The following RUNX1 variants were observed in gnomAD, a reference collection of about 807,000 sequenced individuals.
RUNX1 encodes runt-related transcription factor 1.
Under a neutral mutation model 42.8 loss-of-function variants are expected in RUNX1, and 19 were observed. That is an observed-to-expected ratio of 0.44 (90% confidence interval 0.31 to 0.65). The LOEUF (loss-of-function observed/expected upper bound fraction) is 0.65, where lower values mean the gene tolerates loss of function less well. RUNX1 is among the 30% of genes least tolerant of loss of function. RUNX1 has a pLI of 0.07. For synonymous variants in RUNX1, 271 were observed against 289.4 expected, an observed-to-expected ratio of 0.94 and a Z score of 0.64; for missense variants, 528 against 672.0, an observed-to-expected ratio of 0.79 and a Z score of 2.37.
chr21:34,975,956 G>A lies in RUNX1; in HGVS notation c.58+72886C>T, dbSNP rs16992590. Among the ~76,000 whole-genome samples the A allele has an allele frequency of 2.2e-3, 334 of 152,150 alleles. 2 individuals are homozygous for A. Among genetic ancestry groups the A allele is most frequent in the African/African-American group, 7.4e-3 (309 of 41,522 alleles). ...AAATTATGGAAGGTCTTGGTTTCAC[G>A]GCCAGTTGAGTTGTGTTTTATCTGC... On this transcript the variant is annotated intron_variant, in intron 2 of 8. Coordinates refer to ENST00000675419, the MANE Select transcript of RUNX1 (RefSeq NM_001754.5).
At chr21:34,875,959 T>C (rs1378029039) in intron 5 of RUNX1, among the ~76,000 whole-genome samples, 1 of 152,234 alleles carries the variant, frequency 6.6e-6, no homozygotes, top group East Asian at 1.9e-4. Context: ...ATAAATATTA[T>C]GTCTGGGAAG....
intron 2 of RUNX1, among the ~76,000 whole-genome samples, chr21:35,029,041 A>T (rs372454088): frequency 6.6e-6 from 1 of 152,276 alleles, no homozygotes; most frequent in African/African-American, 2.4e-5. Context: ...CACCAAACCT[A>T]TGAGCCAAAC....
At chr21:35,037,840 T>G (rs2059320417) in intron 2 of RUNX1, among the ~76,000 whole-genome samples, 1 of 152,140 alleles carries the variant, frequency 6.6e-6, no homozygotes, top group African/African-American at 2.4e-5. Flanking sequence ...TTACTATCGG[T>G]TTTAAAGTTC....
At chr21:35,005,063 T>G (rs763406297) in intron 2 of RUNX1, among the ~76,000 whole-genome samples, 5 of 152,172 alleles carry the variant, frequency 3.3e-5, no homozygotes, top group Non-Finnish European at 7.3e-5. Flanking sequence ...CTGTCACCAC[T>G]GAATTGTTGA....
At chr21:35,002,417 TA>T (rs1202805565) in intron 2 of RUNX1, among the ~76,000 whole-genome samples, 20 of 149,036 alleles carry the variant, frequency 1.3e-4, no homozygotes, top group African/African-American at 3.2e-4. Flanking sequence ...TTTATTTATT[TA>T]TTTATTTATT....
chr21:34,965,995 G>A (rs542049469), intron 2 of RUNX1, among the ~76,000 whole-genome samples: 79 of 152,322 alleles, frequency 5.2e-4, no homozygotes, highest in Non-Finnish European at 9.3e-4. Flanking sequence ...GGGCGGTCTC[G>A]ATGGAGCAGT....
intron 2 of RUNX1, among the ~76,000 whole-genome samples, chr21:34,971,954 C>T (rs562199740): frequency 1.3e-5 from 2 of 152,326 alleles, no homozygotes; most frequent in South Asian, 4.1e-4. Flanking sequence ...ATTTTAATGA[C>T]CCTTTGCAGG....
rs2056463058 is a variant in RUNX1 at position 34,792,632 on chromosome 21, G to A, written c.968-22C>T. 6.4e-7 allele frequency: 1 copy of A among 1,559,128 alleles called. No individual in the cohort carries two copies. The highest frequency in any genetic ancestry group is 8.7e-7 in the Non-Finnish European group (1 of 1,151,960). ...GCCGCTGCAGGGCGGGCAAGAGAAC[G>A]GAGCGGAAGTGAGTAGGAGGTTGCG... On this transcript the variant is annotated intron_variant, in intron 8 of 8. Coordinates refer to ENST00000675419, the MANE Select transcript of RUNX1 (RefSeq NM_001754.5). The surrounding 1 kb of genome is among the most constrained non-coding windows in gnomAD (Gnocchi z 6.9).
At chr21:35,033,083 C>A (rs1349105871) in intron 2 of RUNX1, among the ~76,000 whole-genome samples, 3 of 152,130 alleles carry the variant, frequency 2.0e-5, no homozygotes, top group Non-Finnish European at 4.4e-5. Context: ...ATTCATCCTT[C>A]TATCTATCCA....
chr21:34,987,000 A>T (rs551152338), intron 2 of RUNX1, among the ~76,000 whole-genome samples: 2 of 152,322 alleles, frequency 1.3e-5, no homozygotes, highest in African/African-American at 4.8e-5. Flanking sequence ...GACATGATTG[A>T]CAGGCCAGGG....
At chr21:34,947,983 C>T (rs1481532812) in intron 2 of RUNX1, among the ~76,000 whole-genome samples, 2 of 152,242 alleles carry the variant, frequency 1.3e-5, no homozygotes. Flanking sequence ...GACCCCAGCA[C>T]CCAGTCAGCT....
intron 2 of RUNX1, among the ~76,000 whole-genome samples, chr21:34,988,902 C>T (rs1031459278): frequency 2.0e-5 from 3 of 152,182 alleles, no homozygotes; most frequent in East Asian, 1.9e-4. Context: ...CTCTGAGGCC[C>T]CCACATCCTC....
Position 34,791,370 on chromosome 21 carries a change from AATATCTGGG to A in RUNX1, c.*756_*764del. On this transcript the variant is annotated 3_prime_UTR_variant, in exon 9 of 9. Coordinates refer to ENST00000675419, the MANE Select transcript of RUNX1 (RefSeq NM_001754.5). ...AAATGTCTGAACATCAAGATACATA[AATATCTGGG>A]GATTCCTTGTGGGAATACAGTAGTT... 4.3e-6 allele frequency: 1 copy of A among 232,308 alleles called. No individual in the cohort carries two copies. 14.4% of individuals were successfully genotyped at this position (232,308 alleles called of 1,614,324 possible). A position where few individuals can be genotyped will look rare whatever the true frequency, so the allele number is the denominator to read the frequency against.
chr21:34,893,234 G>A (rs2058100594), intron 2 of RUNX1, among the ~76,000 whole-genome samples: 1 of 152,092 alleles, frequency 6.6e-6, no homozygotes, highest in Non-Finnish European at 1.5e-5. Context: ...TTTAAGCTCC[G>A]TGTGTGATTA....
chr21:34,903,342 T>A (rs2058192310), intron 2 of RUNX1, among the ~76,000 whole-genome samples: 1 of 152,208 alleles, frequency 6.6e-6, no homozygotes, highest in Non-Finnish European at 1.5e-5. Flanking sequence ...TATAGTTTAA[T>A]TCCTATTCAA....
At chr21:34,793,397 C>A (rs776638794) in intron 8 of RUNX1, among the ~76,000 whole-genome samples, 10 of 151,870 alleles carry the variant, frequency 6.6e-5, no homozygotes, top group African/African-American at 9.7e-5. Flanking sequence ...ATATGTATAA[C>A]GTATATAAAA....
At chr21:34,865,106 G>C (rs1470329422) in intron 5 of RUNX1, among the ~76,000 whole-genome samples, 9 of 152,136 alleles carry the variant, frequency 5.9e-5, no homozygotes, top group African/African-American at 2.2e-4. Context: ...AGGTTAAATG[G>C]AATGCTGAAT....
rs1388387374 is a variant in RUNX1, at chr21:34,788,439, CA to C, written c.*3695del. 4.3e-6 allele frequency: 1 copy of C among 232,552 alleles called. No homozygotes were observed. The highest frequency in any genetic ancestry group is 6.1e-5 in the East Asian group (1 of 16,380). The allele number at this position is 232,552 out of a possible 1,614,324, so 14.4% of individuals were successfully genotyped here. A position where few individuals can be genotyped will look rare whatever the true frequency, so the allele number is the denominator to read the frequency against. On this transcript the variant is annotated 3_prime_UTR_variant, in exon 9 of 9. Transcript: ENST00000675419. Reference sequence around the variant, plus strand: ...TTGGAACCATGCTATTAGCTGTTTACAAAAGTGAATAAGAAGTAGCTCATTT... The same window carrying C: ...TTGGAACCATGCTATTAGCTGTTTACAAAGTGAATAAGAAGTAGCTCATTT...
chr21:34,844,743 T>C (rs1427371525), intron 6 of RUNX1, among the ~76,000 whole-genome samples: 4 of 152,190 alleles, frequency 2.6e-5, no homozygotes, highest in Non-Finnish European at 1.5e-5. Context: ...CCCTGCCCCC[T>C]GGGCCTCGGG....
Sources: gnomAD v4.1 joint callset for allele counts (sites outside exome capture counted in the v4.1 genomes callset) on GRCh38, gnomAD v4.1.1 for gene constraint, Gnocchi (gnomAD v3.1) non-coding constraint, MANE v1.5 for transcripts, NCBI Gene and HGNC (gene_info 2026-07-23, HGNC 2026-07-21) for gene names.